Variants in CFAP47 observed in about 807,000 individuals in gnomAD.
The protein encoded by CFAP47 is cilia and flagella associated protein 47, also known as cilia- and flagella-associated protein 47.
A neutral mutation model predicts 148.1 loss-of-function variants in CFAP47; 29 were observed. The ratio of observed to expected loss-of-function variants is 0.20; its 90% CI spans 0.15 to 0.27. The LOEUF is 0.27. Among genes scored for constraint, CFAP47 ranks in the 10% least tolerant of loss-of-function variants. The pLI is 1.00. For missense variants in CFAP47, 1,872 were observed against 1,697.5 expected, an observed-to-expected ratio of 1.10 and a Z score of -1.81; for synonymous variants, 664 against 577.3, an observed-to-expected ratio of 1.15 and a Z score of -2.15.
rs1270503086 is a variant in CFAP47 at position 36,146,255 on chromosome X, T to C, written c.5670+902T>C. ...TATAATTTATTACTGTTAACTATTA[T>C]TACCAATTCTCTATTTCTGTCTACA... On this transcript the variant is annotated intron_variant, in intron 36 of 63. Coordinates refer to ENST00000378653, the MANE Select transcript of CFAP47 (RefSeq NM_001304548.2). 6.2e-5 allele frequency among the ~76,000 whole-genome samples: 7 copies of C among 112,001 alleles called. No individual in the cohort carries two copies. The South Asian group carries it at 2.2e-3, about 35-fold the overall frequency.
At chrX:36,121,132 A>T (rs1938736021) in intron 33 of CFAP47, among the ~76,000 whole-genome samples, 1 of 111,082 alleles carries the variant, frequency 9.0e-6, no homozygotes, top group African/African-American at 3.3e-5. Flanking sequence ...TTGTCTTCTG[A>T]TAGTTTTTGT....
chrX:36,321,273 C>G (rs1183998105), intron 57 of CFAP47, among the ~76,000 whole-genome samples: 1 of 111,420 alleles, frequency 9.0e-6, no homozygotes, highest in Non-Finnish European at 1.9e-5. Flanking sequence ...AAGTGAAAGA[C>G]AGGCTTCTCA....
chrX:35,942,028 C>G (rs372447600), intron 3 of CFAP47, among the ~76,000 whole-genome samples: 81 of 103,865 alleles, frequency 7.8e-4, no homozygotes, highest in Non-Finnish European at 1.3e-3. Context: ...GTGTGTGTGT[C>G]TGTGTGTGTG....
chrX:36,020,581 A>T (rs1034089054), intron 22 of CFAP47, among the ~76,000 whole-genome samples: 3 of 112,107 alleles, frequency 2.7e-5, no homozygotes, highest in Non-Finnish European at 3.8e-5. Flanking sequence ...CTTTATCATT[A>T]TATAGTGACC....
chrX:35,969,064 C>T (rs900776235), intron 10 of CFAP47, among the ~76,000 whole-genome samples: 1 of 109,661 alleles, frequency 9.1e-6, no homozygotes, highest in African/African-American at 3.3e-5. Context: ...TATTTTGTTT[C>T]TGTCTCTCTG....
intron 22 of CFAP47, among the ~76,000 whole-genome samples, chrX:36,017,700 G>A (rs1274605056): frequency 9.0e-6 from 1 of 111,355 alleles, no homozygotes; most frequent in African/African-American, 3.3e-5. Flanking sequence ...CAGTAGGTGT[G>A]TGGATTTGTT....
chrX:35,936,723 C>A (rs754647602), intron 2 of CFAP47, among the ~76,000 whole-genome samples: 93 of 110,719 alleles, frequency 8.4e-4, no homozygotes, highest in Non-Finnish European at 8.7e-4. Context: ...GTTGTGATGA[C>A]AATTTAGTTT....
chrX:36,018,966 T>C (rs1445791471), intron 22 of CFAP47, among the ~76,000 whole-genome samples: 1 of 111,782 alleles, frequency 8.9e-6, no homozygotes, highest in African/African-American at 3.3e-5. Context: ...ACAGTGATGA[T>C]ACCAGGTTTT....
At chrX:36,189,839 G>C (rs782569446) in intron 41 of CFAP47, among the ~76,000 whole-genome samples, 1 of 112,319 alleles carries the variant, frequency 8.9e-6, no homozygotes, top group African/African-American at 3.2e-5. Context: ...ATGAAATTAT[G>C]TATTAAGGAA....
intron 26 of CFAP47, among the ~76,000 whole-genome samples, chrX:36,047,870 A>G (rs1362473276): frequency 2.7e-5 from 3 of 112,141 alleles, no homozygotes; most frequent in African/African-American, 6.5e-5. Flanking sequence ...CATTTCAATC[A>G]TCAGCAGATT....
chrX:36,385,063 A>C lies in CFAP47; in HGVS notation c.*57A>C. 1.4e-6 allele frequency: 1 copy of C among 740,651 alleles called. No homozygotes were observed. The highest frequency in any genetic ancestry group is 2.0e-6 in the Non-Finnish European group (1 of 494,893). 61.0% of individuals were successfully genotyped at this position (740,651 alleles called of 1,213,427 possible). A position where few individuals can be genotyped will look rare whatever the true frequency, so the allele number is the denominator to read the frequency against. ...GTAGAACTTTGATGACTATTATTTC[A>C]TCTTTTGGAATATTTCTGAGGAATA... On this transcript the variant is annotated 3_prime_UTR_variant, in exon 64 of 64. Transcript: ENST00000378653.
At position 36,059,245 on chromosome X, in the gene CFAP47, T is replaced by C. The variant is rs747602294; in HGVS notation, c.4218-6398T>C. 3.3e-3 allele frequency among the ~76,000 whole-genome samples: 368 copies of C among 111,817 alleles called. 4 individuals are homozygous for C. The highest frequency in any genetic ancestry group is 0.012 in the African/African-American group (362 of 30,833). ...TAAGGAGAAGAGCCTGTAAAAAGCA[T>C]GGTTTGGATAGGTCATTCCTGTCTT... On this transcript the variant is annotated intron_variant, in intron 26 of 63. Transcript: ENST00000378653.
chrX:36,287,675 G>A (rs1556004862), intron 51 of CFAP47, among the ~76,000 whole-genome samples: 1 of 111,447 alleles, frequency 9.0e-6, no homozygotes, highest in African/African-American at 3.3e-5. Context: ...TTGTTGAGAA[G>A]GGACATCTTT....
intron 63 of CFAP47, 191 bp downstream of exon 63, chrX:36,379,709 T>C (rs1942060289): frequency 2.5e-6 from 1 of 396,975 alleles, no homozygotes; most frequent in Admixed American, 4.4e-5. Flanking sequence ...TTAAGTATGG[T>C]ATATAACAAA....
intron 23 of CFAP47, among the ~76,000 whole-genome samples, chrX:36,033,888 T>C (rs1015558920): frequency 9.0e-6 from 1 of 111,710 alleles, no homozygotes; most frequent in African/African-American, 3.2e-5. Flanking sequence ...CCCATAATGT[T>C]CAGATTTACT....
At chrX:36,086,497 C>T (rs1300235804) in intron 30 of CFAP47, among the ~76,000 whole-genome samples, 1 of 111,362 alleles carries the variant, frequency 9.0e-6, no homozygotes, top group East Asian at 2.8e-4. Flanking sequence ...CATAGTTGTT[C>T]AGAGATGTTC....
At chrX:36,071,650 A>G in intron 27 of CFAP47, among the ~76,000 whole-genome samples, 175 bp from the exon 28 acceptor site, 1 of 111,815 alleles carries the variant, frequency 8.9e-6, no homozygotes, top group East Asian at 2.8e-4. Flanking sequence ...CCTATTTGAC[A>G]TCTTATTTTA....
intron 42 of CFAP47, among the ~76,000 whole-genome samples, chrX:36,194,613 AC>A (rs1338910619): frequency 2.7e-5 from 3 of 111,795 alleles, no homozygotes; most frequent in Admixed American, 9.5e-5. Flanking sequence ...CAGGAAACTT[AC>A]AATTGTGGCA....
intron 49 of CFAP47, among the ~76,000 whole-genome samples, chrX:36,265,310 G>C (rs1388865935): frequency 8.9e-6 from 1 of 112,043 alleles, no homozygotes; most frequent in African/African-American, 3.3e-5. Flanking sequence ...CCTTCTGGTG[G>C]TGTCTGTGAG....
Sources: allele counts gnomAD v4.1 joint callset (sites outside exome capture counted in the v4.1 genomes callset), GRCh38; gene constraint gnomAD v4.1.1; transcripts MANE v1.5; gene names NCBI Gene and HGNC (gene_info 2026-07-23, HGNC 2026-07-21).